Variants in OR9A2 observed in about 807,000 individuals in gnomAD.
OR9A2 encodes olfactory receptor 9A2.
A neutral mutation model predicts 18.7 loss-of-function variants in OR9A2; 14 were observed. That is an observed-to-expected ratio of 0.75 (90% CI 0.50 to 1.17). The LOEUF is 1.17. Among genes scored for constraint, OR9A2 ranks in the 50% most tolerant of loss-of-function variants. The pLI is 0.00. For missense variants in OR9A2, 353 were observed against 372.7 expected, an observed-to-expected ratio of 0.95 and a Z score of 0.44; for synonymous variants, 142 against 142.6, an observed-to-expected ratio of 1.00 and a Z score of 0.03.
In OR9A2 at chr7:143,027,028, TA is replaced by T. The variant is rs774037943; in HGVS notation, c.104del (p.Leu35Ter). ...ILFAIFFFFY[L>X]VTLMGNTVII... ...TGACCGTGTTTCCCATTAATGTCAC[TA>T]AATAGAAGAAAAAGAATATAGCAAA... is the stretch of plus-strand genomic sequence containing the variant. On this transcript the variant is annotated frameshift_variant, in exon 1 of 1. Transcript: ENST00000350513. LOFTEE classifies it high-confidence loss of function. The T allele has an allele frequency of 3.1e-6, 5 of 1,613,890 alleles. No individual in the cohort carries two copies. Among genetic ancestry groups the T allele is most frequent in the Non-Finnish European group, 4.2e-6 (5 of 1,179,982 alleles).
chr7:143,027,033 A>G lies in OR9A2; in HGVS notation c.100T>C (p.Tyr34His). The change falls in exon 1 of 1, where the codon TAT (tyrosine) becomes CAT (histidine). Residue 34 changes from tyrosine to histidine, a missense_variant. Tyr to His is a moderately conservative substitution (Grantham distance 83). Transcript: ENST00000350513. ...GTGTTTCCCATTAATGTCACTAAAT[A>G]GAAGAAAAAGAATATAGCAAAAAGA... ...HILFAIFFFFYLVTLMGNTVI... is the reference protein window; with the variant it reads ...HILFAIFFFFHLVTLMGNTVI... 1 of 1,614,094 alleles carries G rather than the reference A, an allele frequency of 6.2e-7. No homozygotes were observed. Among genetic ancestry groups the G allele is most frequent in the Non-Finnish European group, 8.5e-7 (1 of 1,179,988 alleles).
rs751102724 is a variant in OR9A2 at position 143,026,753 on chromosome 7, C to T, written c.380G>A (p.Arg127Lys). The T allele has an allele frequency of 1.9e-6, 3 of 1,613,954 alleles. No individual in the cohort carries two copies. Among genetic ancestry groups the T allele is most frequent in the Non-Finnish European group, 2.5e-6 (3 of 1,180,020 alleles). Residue 127 changes from arginine to lysine, a missense_variant, in exon 1 of 1, where the codon AGG becomes AAG. Physicochemically the swap from Arg to Lys is conservative, Grantham distance 26. Transcript: ENST00000350513. Reference sequence around the variant, plus strand: ...ACTGCTGTTCATAATGATGTTGTACCTCAAAGGGTTACACACAGCCACATA... The same window carrying T: ...ACTGCTGTTCATAATGATGTTGTACTTCAAAGGGTTACACACAGCCACATA... ...DRYVAVCNPL[R>K]YNIIMNSSTC... is the part of the protein sequence containing the mutation.
In OR9A2 at chr7:143,026,899, G is replaced by A. The variant is rs780741050; in HGVS notation, c.234C>T (p.Pro78=). ...GGAAGAGCAATCCCCAAAGCATCATGGGGACAATTATGGTTGTGACCAGGA... is the reference window on the plus strand; with the variant it reads ...GGAAGAGCAATCCCCAAAGCATCATAGGGACAATTATGGTTGTGACCAGGA... The part of the protein sequence containing the change: ...LEILVTTIIV[P]MMLWGLLFLG... Residue 78 remains proline, a synonymous_variant, in exon 1 of 1, where the codon CCC becomes CCT. Coordinates refer to ENST00000350513, the MANE Select transcript of OR9A2 (RefSeq NM_001001658.1). The A allele has an allele frequency of 8.7e-5, 140 of 1,614,038 alleles. No homozygotes were observed. The highest frequency in any genetic ancestry group is 1.2e-4 in the Non-Finnish European group (136 of 1,180,016).
chr7:143,026,865 T>G lies in OR9A2; in HGVS notation c.268A>C (p.Arg90=). 6.2e-7 allele frequency: 1 copy of G among 1,614,170 alleles called. No homozygotes were observed. Among genetic ancestry groups the G allele is most frequent in the South Asian group, 1.1e-5 (1 of 91,078 alleles). ...GATACATGTAGAGAAAGATACTGTC[T>G]GCATCCCAGGAAGAGCAATCCCCAA... is the stretch of plus-strand genomic sequence containing the variant. ...MLWGLLFLGC[R]QYLSLHVSLN... The change falls in exon 1 of 1, where the codon AGA becomes CGA. Residue 90 remains arginine (R), a synonymous_variant. Transcript: ENST00000350513.
rs1161509667 is a variant in OR9A2 at position 143,027,005 on chromosome 7, ACCGTG to A, written c.123_127del (p.Thr42HisfsTer9). On this transcript the variant is annotated frameshift_variant, in exon 1 of 1. Transcript: ENST00000350513. LOFTEE classifies it high-confidence loss of function. ...ATCCACACAGACAATCACAATGATG[ACCGTG>A]TTTCCCATTAATGTCACTAAATAGA... The A allele has an allele frequency of 3.1e-6, 5 of 1,614,022 alleles. No homozygotes were observed. In the Admixed American group the frequency reaches 8.3e-5, roughly 27 times the overall value.
In OR9A2 at chr7:143,027,076, G is replaced by C; in HGVS notation, c.57C>G (p.Ser19=). ...CAAAAAGAATGTGGTGTAGTCCTTG[G>C]GACCCAGGGAAGCCTAGAAGGTGGA... ...TEFHLLGFPG[S]QGLHHILFAI... Residue 19 remains serine, a synonymous_variant, in exon 1 of 1, where the codon TCC becomes TCG. Coordinates refer to ENST00000350513, the MANE Select transcript of OR9A2 (RefSeq NM_001001658.1). 1 of 1,613,002 alleles carries C rather than the reference G, an allele frequency of 6.2e-7. No individual in the cohort carries two copies. Among genetic ancestry groups the C allele is most frequent in the Middle Eastern group, 1.7e-4 (1 of 6,056 alleles).
Position 143,026,734 on chromosome 7 carries a change from G to A in OR9A2, c.399C>T (p.Asn133=). 1 of 1,614,140 alleles carries A rather than the reference G, an allele frequency of 6.2e-7. No individual in the cohort carries two copies. Among genetic ancestry groups the A allele is most frequent in the Non-Finnish European group, 8.5e-7 (1 of 1,180,034 alleles). The change falls in exon 1 of 1, where the codon AAC becomes AAT. Residue 133 remains asparagine (N), a synonymous_variant. Coordinates refer to ENST00000350513, the MANE Select transcript of OR9A2 (RefSeq NM_001001658.1). ...CNPLRYNIIM[N]SSTCIWVVIV... is the part of the protein sequence containing the mutation. ...TTACCACCCAAATACAGGTACTGCT[G>A]TTCATAATGATGTTGTACCTCAAAG...
Position 143,026,759 on chromosome 7 carries a change from G to C in OR9A2, c.374C>G (p.Pro125Arg), listed in dbSNP as rs1425636076. ...AVDRYVAVCN[P>R]LRYNIIMNSS... ...GTTCATAATGATGTTGTACCTCAAA[G>C]GGTTACACACAGCCACATAACGGTC... Residue 125 changes from proline (P) to arginine (R), a missense_variant, in exon 1 of 1, where the codon CCT becomes CGT. Coordinates refer to ENST00000350513, the MANE Select transcript of OR9A2 (RefSeq NM_001001658.1). 1.9e-6 allele frequency: 3 copies of C among 1,613,984 alleles called. No homozygotes were observed. In the African/African-American group the frequency reaches 4.0e-5, roughly 22 times the overall value.
In OR9A2 at chr7:143,026,987, C is replaced by CA. The variant is rs1562985257; in HGVS notation, c.145dup (p.Cys49LeufsTer4). On this transcript the variant is annotated frameshift_variant, in exon 1 of 1. Coordinates refer to ENST00000350513, the MANE Select transcript of OR9A2 (RefSeq NM_001001658.1). LOFTEE classifies it high-confidence loss of function. ...GGGGGACTGCAGACGTTTATCCACACAGACAATCACAATGATGACCGTGTT... is the reference window on the plus strand; with the variant it reads ...GGGGGACTGCAGACGTTTATCCACACAAGACAATCACAATGATGACCGTGTT... 2 of 1,614,138 alleles carry CA rather than the reference C, an allele frequency of 1.2e-6. No individual in the cohort carries two copies. The highest frequency in any genetic ancestry group is 1.7e-6 in the Non-Finnish European group (2 of 1,180,008).
chr7:143,027,007 C>A lies in OR9A2; in HGVS notation c.126G>T (p.Thr42=). ...CCACACAGACAATCACAATGATGAC[C>A]GTGTTTCCCATTAATGTCACTAAAT... ...FFYLVTLMGN[T]VIIVIVCVDK... is the part of the protein sequence containing the mutation. Residue 42 remains threonine, a synonymous_variant, in exon 1 of 1, where the codon ACG becomes ACT. Transcript: ENST00000350513. The A allele has an allele frequency of 6.2e-7, 1 of 1,613,932 alleles. No individual in the cohort carries two copies. Among genetic ancestry groups the A allele is most frequent in the Non-Finnish European group, 8.5e-7 (1 of 1,179,956 alleles).
chr7:143,026,859 A>G lies in OR9A2; in HGVS notation c.274T>C (p.Tyr92His), dbSNP rs756851893. 3 of 1,614,224 alleles carry G rather than the reference A, an allele frequency of 1.9e-6. No homozygotes were observed. Among genetic ancestry groups the G allele is most frequent in the South Asian group, 1.1e-5 (1 of 91,078 alleles). The change falls in exon 1 of 1, where the codon TAT (tyrosine) becomes CAT (histidine). Residue 92 changes from tyrosine to histidine, a missense_variant. Physicochemically the swap from Tyr to His is moderately conservative, Grantham distance 83. Coordinates refer to ENST00000350513, the MANE Select transcript of OR9A2 (RefSeq NM_001001658.1). ...WGLLFLGCRQ[Y>H]LSLHVSLNFS... ...TTGAGCGATACATGTAGAGAAAGAT[A>G]CTGTCTGCATCCCAGGAAGAGCAAT...
chr7:143,026,317 C>T lies in OR9A2; in HGVS notation c.816G>A (p.Leu272=), dbSNP rs1797839049. 5 of 1,613,920 alleles carry T rather than the reference C, an allele frequency of 3.1e-6. No homozygotes were observed. The highest frequency in any genetic ancestry group is 1.6e-4 in the Middle Eastern group (1 of 6,084). The stretch of plus-strand genomic sequence containing the variant: ...GGAAGGGGGTTAACACAGAAACCAA[C>T]AGGGAAACTATCTTATTGTACTCAA... ...QGVEYNKIVS[L]LVSVLTPFLN... is the part of the protein sequence containing the mutation. The change falls in exon 1 of 1, where the codon CTG becomes CTA. Residue 272 remains leucine, a synonymous_variant. Coordinates refer to ENST00000350513, the MANE Select transcript of OR9A2 (RefSeq NM_001001658.1).
rs761496105 is a variant in OR9A2, at chr7:143,027,032, TAGA to T, written c.98_100del (p.Phe33del). ...CGTGTTTCCCATTAATGTCACTAAA[TAGA>T]AGAAAAAGAATATAGCAAAAAGAAT... On this transcript the variant is annotated inframe_deletion, in exon 1 of 1. Coordinates refer to ENST00000350513, the MANE Select transcript of OR9A2 (RefSeq NM_001001658.1). 2 of 1,613,882 alleles carry T rather than the reference TAGA, an allele frequency of 1.2e-6. No homozygotes were observed. Among genetic ancestry groups the T allele is most frequent in the South Asian group, 2.2e-5 (2 of 91,072 alleles).
At position 143,026,517 on chromosome 7, in the gene OR9A2, A is replaced by T; in HGVS notation, c.616T>A (p.Ser206Thr). 1 of 1,614,194 alleles carries T rather than the reference A, an allele frequency of 6.2e-7. No homozygotes were observed. Among genetic ancestry groups the T allele is most frequent in the South Asian group, 1.1e-5 (1 of 91,082 alleles). Reference sequence around the variant, plus strand: ...TAGGAGACAATCGTAGGGATCAAAGAACCAATGAGAATAAAAACAGCCATT... The same window carrying T: ...TAGGAGACAATCGTAGGGATCAAAGTACCAATGAGAATAAAAACAGCCATT... ...FLMAVFILIG[S>T]LIPTIVSYTY... The change falls in exon 1 of 1, where the codon TCT becomes ACT. Residue 206 changes from serine to threonine, a missense_variant. By Grantham distance (58) the Ser-to-Thr change is moderately conservative. Coordinates refer to ENST00000350513, the MANE Select transcript of OR9A2 (RefSeq NM_001001658.1).
rs1455839265 is a variant in OR9A2 at position 143,026,936 on chromosome 7, G to C, written c.197C>G (p.Ser66Cys). Residue 66 changes from serine (S) to cysteine (C), a missense_variant, in exon 1 of 1, where the codon TCT (serine) becomes TGT (cysteine). Ser to Cys is a moderately radical substitution (Grantham distance 112, BLOSUM62 -1). Coordinates refer to ENST00000350513, the MANE Select transcript of OR9A2 (RefSeq NM_001001658.1). Reference sequence around the variant, plus strand: ...GGTTGTGACCAGGATCTCCAGGGTAGAGAGGTGGCTGAGGAAGAAATACAT... The same window carrying C: ...GGTTGTGACCAGGATCTCCAGGGTACAGAGGTGGCTGAGGAAGAAATACAT... The part of the protein sequence containing the change: ...SPMYFFLSHL[S>C]TLEILVTTII... 6.2e-7 allele frequency: 1 copy of C among 1,614,176 alleles called. No homozygotes were observed.
Position 143,026,802 on chromosome 7 carries a change from G to C in OR9A2, c.331C>G (p.Leu111Val). ...FSCGTMEFAL[L>V]GVMAVDRYVA... ...TAACGGTCCACAGCCATCACTCCAA[G>C]TAATGCAAACTCCATGGTCCCACAG... The change falls in exon 1 of 1, where the codon CTT (leucine) becomes GTT (valine). Residue 111 changes from leucine to valine, a missense_variant. Transcript: ENST00000350513. The C allele has an allele frequency of 6.2e-7, 1 of 1,614,128 alleles. No homozygotes were observed. The highest frequency in any genetic ancestry group is 8.5e-7 in the Non-Finnish European group (1 of 1,180,020).
At position 143,026,578 on chromosome 7, in the gene OR9A2, G is replaced by A. The variant is rs372529476; in HGVS notation, c.555C>T (p.Cys185=). The A allele has an allele frequency of 5.5e-5, 89 of 1,614,142 alleles. No individual in the cohort carries two copies. In the Middle Eastern group the frequency reaches 1.3e-3, roughly 24 times the overall value. ...CDRGQLLKLS[C]DNTLLTEFIL... is the part of the protein sequence containing the mutation. ...TAAACTCTGTGAGAAGAGTGTTATC[G>A]CAGGACAGTTTGAGCAATTGCCCTC... The change falls in exon 1 of 1, where the codon TGC becomes TGT. Residue 185 remains cysteine (C), a synonymous_variant. Coordinates refer to ENST00000350513, the MANE Select transcript of OR9A2 (RefSeq NM_001001658.1).
rs766720303 is a variant in OR9A2, at chr7:143,026,389, A to G, written c.744T>C (p.Tyr248=). 6.2e-7 allele frequency: 1 copy of G among 1,614,202 alleles called. No individual in the cohort carries two copies. Among genetic ancestry groups the G allele is most frequent in the South Asian group, 1.1e-5 (1 of 91,068 alleles). The stretch of plus-strand genomic sequence containing the variant: ...TCACGTAGAGAAACAAGCAGCTGCC[A>G]TAGCCAATCACAACACAGGTGAAGT... ...ASHFTCVVIG[Y]GSCLFLYVKP... The change falls in exon 1 of 1, where the codon TAT becomes TAC. Residue 248 remains tyrosine (Y), a synonymous_variant. Transcript: ENST00000350513.
chr7:143,026,256 C>A lies in OR9A2; in HGVS notation c.877G>T (p.Val293Phe), dbSNP rs762350628. 6.2e-7 allele frequency: 1 copy of A among 1,612,288 alleles called. No homozygotes were observed. The highest frequency in any genetic ancestry group is 8.5e-7 in the Non-Finnish European group (1 of 1,179,380). Residue 293 changes from valine (V) to phenylalanine (F), a missense_variant, in exon 1 of 1, where the codon GTC becomes TTC. Coordinates refer to ENST00000350513, the MANE Select transcript of OR9A2 (RefSeq NM_001001658.1). The part of the protein sequence containing the change: ...PFIFTLRNDK[V>F]KEALRDGMKR... ...ATCCCATCTCGGAGGGCCTCTTTGA[C>A]TTTGTCATTCCGAAGAGTAAAGATG...
Sources: gnomAD v4.1 joint callset for allele counts on GRCh38, gnomAD v4.1.1 for gene constraint, MANE v1.5 for transcripts, NCBI Gene and HGNC (gene_info 2026-07-23, HGNC 2026-07-21) for gene names.